Variants in TNNI3K observed in about 807,000 individuals in gnomAD.
TNNI3K encodes the protein TNNI3 interacting kinase.
A neutral mutation model predicts 114.5 loss-of-function variants in TNNI3K; 140 were observed. That is an observed-to-expected ratio of 1.22 (90% CI 1.07 to 1.41). The LOEUF is 1.41. TNNI3K is among the 40% of genes most tolerant of loss of function. TNNI3K has a pLI of 0.00. For synonymous variants in TNNI3K, 347 were observed against 347.5 expected, an observed-to-expected ratio of 1.00 and a Z score of 0.02; for missense variants, 1,125 against 1,007.6, an observed-to-expected ratio of 1.12 and a Z score of -1.58.
At chr1:74,481,047 A>G (rs907500935) in intron 21 of TNNI3K, 1 of 623,658 alleles carries the variant, frequency 1.6e-6, no homozygotes, top group Non-Finnish European at 2.9e-6. Context: ...GCAGAGAATC[A>G]ATATCCTCTG....
intron 23 of TNNI3K, among the ~76,000 whole-genome samples, chr1:74,508,090 G>T (rs17095479): frequency 6.6e-6 from 1 of 152,200 alleles, no homozygotes; most frequent in African/African-American, 2.4e-5. Context: ...ACAGACGGAG[G>T]CATTACTAAG....
chr1:74,244,987 G>A (rs1181240019), intron 2 of TNNI3K, among the ~76,000 whole-genome samples: 1 of 152,060 alleles, frequency 6.6e-6, no homozygotes, highest in Non-Finnish European at 1.5e-5. Context: ...GTGCAGTTCT[G>A]TGTTCTATGT....
In TNNI3K at chr1:74,444,937, G is replaced by A. The variant is rs574967025; in HGVS notation, c.2011+5315G>A. On this transcript the variant is annotated intron_variant, in intron 20 of 24. Transcript: ENST00000326637. ...CAAACCTAACAAAAACAAGCAATGGGGAACCCTATTTAATAAATTGTGCTG... is the reference window on the plus strand; with the variant it reads ...CAAACCTAACAAAAACAAGCAATGGAGAACCCTATTTAATAAATTGTGCTG... Among the ~76,000 whole-genome samples the A allele has an allele frequency of 1.3e-4, 20 of 152,148 alleles. No individual in the cohort carries two copies. In the East Asian group the frequency reaches 1.5e-3, roughly 12 times the overall value.
At chr1:74,272,230 CA>C (rs1328831386) in intron 5 of TNNI3K, among the ~76,000 whole-genome samples, 1 of 151,456 alleles carries the variant, frequency 6.6e-6, no homozygotes, top group Non-Finnish European at 1.5e-5. Flanking sequence ...ATGACAGTAG[CA>C]AGAAAGTCAG....
chr1:74,518,873 C>CTTTTTTTTTTTTTTTTTTTTTTTTT (rs1646388103), intron 23 of TNNI3K, among the ~76,000 whole-genome samples: 6 of 100,358 alleles, frequency 6.0e-5, no homozygotes, highest in Non-Finnish European at 8.9e-5. Flanking sequence ...TTTTTTTTCC[C>CTTTTTTTTTTTTTTTTTTTTTTTTT]CTTTTTTTTT....
intron 4 of TNNI3K, among the ~76,000 whole-genome samples, chr1:74,266,874 T>G (rs1180695503): frequency 6.6e-6 from 1 of 152,002 alleles, no homozygotes; most frequent in Non-Finnish European, 1.5e-5. Flanking sequence ...GGGAGATCTA[T>G]TCTACCTCAA....
chr1:74,336,272 T>A, intron 7 of TNNI3K, 123 bp downstream of exon 7: 2 of 1,245,706 alleles, frequency 1.6e-6, no homozygotes, highest in Non-Finnish European at 2.1e-6. Flanking sequence ...ACTTATTTGC[T>A]CCACAAGTCA....
At chr1:74,536,717 T>C (rs1056723101) in intron 23 of TNNI3K, among the ~76,000 whole-genome samples, 1 of 152,190 alleles carries the variant, frequency 6.6e-6, no homozygotes, top group African/African-American at 2.4e-5. Flanking sequence ...CTATCTATGA[T>C]ATATATCATC....
chr1:74,295,571 A>G (rs1236324882), intron 5 of TNNI3K, among the ~76,000 whole-genome samples: 1 of 152,148 alleles, frequency 6.6e-6, no homozygotes, highest in African/African-American at 2.4e-5. Flanking sequence ...TATTTTCTTG[A>G]TTAAATGGCT....
At chr1:74,261,125 A>G (rs1332763111) in intron 4 of TNNI3K, among the ~76,000 whole-genome samples, 1 of 151,974 alleles carries the variant, frequency 6.6e-6, no homozygotes, top group Non-Finnish European at 1.5e-5. Context: ...TATGTTGTGT[A>G]TTTTCTTCAC....
chr1:74,334,942 A>G (rs1277879198), intron 6 of TNNI3K, among the ~76,000 whole-genome samples: 1 of 152,216 alleles, frequency 6.6e-6, no homozygotes, highest in Non-Finnish European at 1.5e-5. Flanking sequence ...AGAGCAAATG[A>G]CAAAAGTAGG....
intron 4 of TNNI3K, among the ~76,000 whole-genome samples, chr1:74,265,054 A>G (rs1206925351): frequency 6.6e-6 from 1 of 152,032 alleles, no homozygotes. Flanking sequence ...GAGAAATAAC[A>G]TGATGTATTA....
At position 74,492,354 on chromosome 1, in the gene TNNI3K, G is replaced by T. The variant is rs1191032630; in HGVS notation, c.2351+88G>T. 6.0e-6 allele frequency: 8 copies of T among 1,331,462 alleles called. No individual in the cohort carries two copies. In the East Asian group the frequency reaches 1.8e-4, roughly 31 times the overall value. The allele number at this position is 1,331,462 out of a possible 1,614,324, so 82.5% of individuals were successfully genotyped here. On this transcript the variant is annotated intron_variant, in intron 23 of 24. Transcript: ENST00000326637. ...CAACTGATTTGATTACTATTAACAG[G>T]GTTTGATTACCCCCTGAAAAACTTT...
Position 74,343,124 on chromosome 1 carries a change from TC to T in TNNI3K, c.878del (p.Ser293Ter). ...FEVAKEIIQI[S>X]GTESLTKENI... Reference sequence around the variant, plus strand: ...AGTTGCCAAGGAAATCATCCAAATATCAGGAACAGAAAGTCTGACTAAGGAA... The same window carrying T: ...AGTTGCCAAGGAAATCATCCAAATATAGGAACAGAAAGTCTGACTAAGGAA... On this transcript the variant is annotated frameshift_variant, in exon 9 of 25. Transcript: ENST00000326637. LOFTEE classifies it high-confidence loss of function. The T allele has an allele frequency of 6.2e-7, 1 of 1,613,466 alleles. No individual in the cohort carries two copies. The highest frequency in any genetic ancestry group is 1.1e-5 in the South Asian group (1 of 91,056).
intron 7 of TNNI3K, among the ~76,000 whole-genome samples, chr1:74,340,823 G>T (rs1160717017): frequency 6.6e-6 from 1 of 152,150 alleles, no homozygotes; most frequent in Non-Finnish European, 1.5e-5. Context: ...GCTTAGAACA[G>T]CATGTGAACA....
chr1:74,416,464 A>G, intron 17 of TNNI3K: 1 of 968,524 alleles, frequency 1.0e-6, no homozygotes, highest in Non-Finnish European at 1.2e-6. Context: ...TTATTGGAGT[A>G]GATTCTCCCA....
chr1:74,468,704 C>T (rs977523072), intron 21 of TNNI3K, among the ~76,000 whole-genome samples: 1 of 151,914 alleles, frequency 6.6e-6, no homozygotes, highest in African/African-American at 2.4e-5. Flanking sequence ...TATTATTCTA[C>T]CAAATGCAGA....
rs761055012 is a variant in TNNI3K, at chr1:74,489,230, G to T, written c.2163G>T (p.Glu721Asp). 3.1e-6 allele frequency: 5 copies of T among 1,611,962 alleles called. No individual in the cohort carries two copies. In the South Asian group the frequency reaches 5.5e-5, roughly 18 times the overall value. Residue 721 changes from glutamate to aspartate, a missense_variant, in exon 22 of 25, where the codon GAG becomes GAT. Coordinates refer to ENST00000326637, the MANE Select transcript of TNNI3K (RefSeq NM_015978.3). ...EFSEVVMKLE[E>D]CLCNIELMSP... ...CTGAAGTTGTCATGAAGTTAGAAGAGTGTCTCTGCAACATTGAGGTAAAAG... is the reference window on the plus strand; with the variant it reads ...CTGAAGTTGTCATGAAGTTAGAAGATTGTCTCTGCAACATTGAGGTAAAAG...
At chr1:74,321,163 G>A (rs963490938) in intron 5 of TNNI3K, among the ~76,000 whole-genome samples, 1 of 152,142 alleles carries the variant, frequency 6.6e-6, no homozygotes, top group Non-Finnish European at 1.5e-5. Flanking sequence ...TGTTTTCTCA[G>A]CCAGGGACTT....
Sources: gnomAD v4.1 joint callset for allele counts (sites outside exome capture counted in the v4.1 genomes callset) on GRCh38, gnomAD v4.1.1 for gene constraint, MANE v1.5 for transcripts, NCBI Gene and HGNC (gene_info 2026-07-23, HGNC 2026-07-21) for gene names.